The following IL1RAPL2 variants were observed in gnomAD, a reference collection of about 807,000 sequenced individuals.
IL1RAPL2 encodes the protein X-linked interleukin-1 receptor accessory protein-like 2.
A neutral mutation model predicts 44.1 loss-of-function variants in IL1RAPL2; 3 were observed. The observed-to-expected ratio is 0.07, with a 90% CI of 0.03 to 0.18. The LOEUF is 0.18. IL1RAPL2 is among the 10% of genes least tolerant of loss of function. IL1RAPL2 has a pLI of 1.00. For synonymous variants in IL1RAPL2, 181 were observed against 178.8 expected (o/e 1.01, Z -0.10); for missense variants, 391 against 496.4 (o/e 0.79, Z 2.02).
chrX:105,117,530 C>A (rs2032874685), intron 2 of IL1RAPL2, among the ~76,000 whole-genome samples: 2 of 111,177 alleles, frequency 1.8e-5, no homozygotes, highest in Non-Finnish European at 1.9e-5. Context: ...TTTCCATAAT[C>A]CCCACATGTC....
intron 6 of IL1RAPL2, among the ~76,000 whole-genome samples, chrX:105,687,383 T>C (rs1352419052): frequency 9.0e-6 from 1 of 110,681 alleles, no homozygotes; most frequent in East Asian, 2.8e-4. Context: ...CAATAAAAAA[T>C]GATAAAGGGG....
intron 5 of IL1RAPL2, among the ~76,000 whole-genome samples, chrX:105,404,995 C>T (rs1348558480): frequency 9.0e-6 from 1 of 111,391 alleles, no homozygotes; most frequent in Non-Finnish European, 1.9e-5. Flanking sequence ...CATTCTAAGA[C>T]AGTAGTGTTT....
chrX:104,889,048 A>T (rs1923341981), intron 2 of IL1RAPL2, among the ~76,000 whole-genome samples: 1 of 110,738 alleles, frequency 9.0e-6, no homozygotes, highest in Admixed American at 9.6e-5. Context: ...ACACCCCACA[A>T]CTTCAAGCCC....
At chrX:105,416,425 C>T (rs185026481) in intron 5 of IL1RAPL2, among the ~76,000 whole-genome samples, 22 of 111,923 alleles carry the variant, frequency 2.0e-4, no homozygotes, top group African/African-American at 6.2e-4. Flanking sequence ...GTTCTTTTCA[C>T]GACATTATTT....
At chrX:105,385,709 C>T (rs908776380) in intron 5 of IL1RAPL2, among the ~76,000 whole-genome samples, 5 of 110,191 alleles carry the variant, frequency 4.5e-5, no homozygotes, top group Non-Finnish European at 9.5e-5. Context: ...AGATCAAAGT[C>T]TTGGGAGGGG....
At chrX:104,588,257 T>A (rs189328656) in intron 1 of IL1RAPL2, among the ~76,000 whole-genome samples, 4 of 110,959 alleles carry the variant, frequency 3.6e-5, no homozygotes, top group African/African-American at 1.3e-4. Flanking sequence ...AAGTTTATCA[T>A]CTCTACTTCT....
At chrX:104,693,177 T>A (rs959930666) in intron 2 of IL1RAPL2, among the ~76,000 whole-genome samples, 2 of 112,058 alleles carry the variant, frequency 1.8e-5, no homozygotes, top group African/African-American at 6.5e-5. Context: ...TACAGTGTTT[T>A]CATCTCTTTT....
In IL1RAPL2 at chrX:105,177,591, T is replaced by G. The variant is rs1004626863; in HGVS notation, c.83-17884T>G. ...ATGGGGCACAGCCATTGCAAAGGCC[T>G]GTAGGCTAGAAGCTGCTTTACTGGT... On this transcript the variant is annotated intron_variant, in intron 2 of 10. Transcript: ENST00000372582. Among the ~76,000 whole-genome samples the G allele has an allele frequency of 6.3e-5, 7 of 110,661 alleles. No individual in the cohort carries two copies. The East Asian group carries it at 1.7e-3, about 27-fold the overall frequency.
chrX:104,703,820 G>C (rs899647283), intron 2 of IL1RAPL2, among the ~76,000 whole-genome samples: 5 of 112,054 alleles, frequency 4.5e-5, no homozygotes, highest in East Asian at 2.8e-4. Context: ...TTAAGTATTA[G>C]AGTGAAAATT....
chrX:105,680,513 A>G (rs2037915219), intron 6 of IL1RAPL2, among the ~76,000 whole-genome samples: 1 of 112,197 alleles, frequency 8.9e-6, no homozygotes. Context: ...TAATTTTCAC[A>G]TATAACATCC....
chrX:105,195,394 C>A, intron 2 of IL1RAPL2, 81 bp from the exon 3 acceptor site: 1 of 918,928 alleles, frequency 1.1e-6, no homozygotes. Context: ...GCACTTAGGA[C>A]ATGTTGGTGA....
intron 5 of IL1RAPL2, among the ~76,000 whole-genome samples, chrX:105,375,238 A>G (rs913372078): frequency 1.8e-5 from 2 of 110,910 alleles, no homozygotes; most frequent in African/African-American, 6.6e-5. Flanking sequence ...TGAGCTGGGC[A>G]TGGTGGCTCA....
chrX:105,114,474 T>A (rs896679450), intron 2 of IL1RAPL2, among the ~76,000 whole-genome samples: 3 of 112,074 alleles, frequency 2.7e-5, no homozygotes, highest in Non-Finnish European at 5.6e-5. Flanking sequence ...GAGCCACTCT[T>A]TGAGTCAGGC....
chrX:105,242,294 T>C (rs1556209134), intron 4 of IL1RAPL2, among the ~76,000 whole-genome samples: 1 of 112,556 alleles, frequency 8.9e-6, no homozygotes, highest in African/African-American at 3.2e-5. Context: ...CTGTGTTTAT[T>C]TCCCAAAGAT....
intron 2 of IL1RAPL2, among the ~76,000 whole-genome samples, chrX:104,869,604 C>T (rs184144414): frequency 7.8e-4 from 87 of 111,302 alleles, no homozygotes; most frequent in African/African-American, 2.8e-3. Flanking sequence ...ATGTGCACAA[C>T]GTGCAGGTTT....
intron 2 of IL1RAPL2, among the ~76,000 whole-genome samples, chrX:105,059,180 G>A (rs970476208): frequency 9.0e-6 from 1 of 111,411 alleles, no homozygotes; most frequent in Non-Finnish European, 1.9e-5. Flanking sequence ...AATTACTGTT[G>A]ACTAGTCATC....
intron 6 of IL1RAPL2, among the ~76,000 whole-genome samples, chrX:105,590,974 T>G (rs1226538582): frequency 2.7e-5 from 3 of 109,418 alleles, no homozygotes; most frequent in Non-Finnish European, 5.7e-5. Flanking sequence ...TTGGAGTAGT[T>G]TCTGTAGGAA....
chrX:105,644,049 G>A (rs776404247), intron 6 of IL1RAPL2, among the ~76,000 whole-genome samples: 2 of 110,653 alleles, frequency 1.8e-5, no homozygotes, highest in African/African-American at 6.6e-5. Flanking sequence ...GTGCCATCAC[G>A]CCTGGCTAAT....
intron 5 of IL1RAPL2, among the ~76,000 whole-genome samples, chrX:105,320,706 AGT>A (rs1213854091): frequency 1.4e-4 from 16 of 111,591 alleles, no homozygotes; most frequent in African/African-American, 4.9e-4. Flanking sequence ...TTTATGTGTG[AGT>A]GTATATATTT....
Sources: allele counts gnomAD v4.1 joint callset (sites outside exome capture counted in the v4.1 genomes callset), GRCh38; gene constraint gnomAD v4.1.1; transcripts MANE v1.5; gene names NCBI Gene and HGNC (gene_info 2026-07-23, HGNC 2026-07-21).